Variants in PRDM16 observed in about 807,000 individuals in gnomAD.
The protein encoded by PRDM16 is PR/SET domain 16.
A neutral mutation model predicts 110.6 loss-of-function variants in PRDM16; 23 were observed. The observed-to-expected ratio is 0.21, with a 90% CI of 0.15 to 0.29. The LOEUF (loss-of-function observed/expected upper bound fraction) is 0.29. Ranked by LOEUF, PRDM16 falls within the 10% of genes least tolerant of loss-of-function variation. PRDM16 has a pLI of 1.00. For missense variants in PRDM16, 1,615 were observed against 1,794.3 expected, an observed-to-expected ratio of 0.90 and a Z score of 1.81; for synonymous variants, 799 against 781.8, an observed-to-expected ratio of 1.02 and a Z score of -0.37.
At chr1:3,372,166 G>A (rs1246865785) in intron 3 of PRDM16, among the ~76,000 whole-genome samples, 3 of 152,244 alleles carry the variant, frequency 2.0e-5, no homozygotes, top group African/African-American at 4.8e-5. Flanking sequence ...CCAACCAACG[G>A]GGAAGAGCTG....
intron 8 of PRDM16, among the ~76,000 whole-genome samples, chr1:3,409,731 AGT>A (rs1643638329): frequency 9.6e-6 from 1 of 104,182 alleles, no homozygotes; most frequent in African/African-American, 3.8e-5. Flanking sequence ...TGGTGTGTGT[AGT>A]GTGGGTGTGT....
intron 9 of PRDM16, among the ~76,000 whole-genome samples, chr1:3,413,428 T>G (rs2100666682): frequency 6.6e-6 from 1 of 152,114 alleles, no homozygotes. Context: ...CTCTGATGCC[T>G]CTCTTGGGGA....
chr1:3,315,938 C>T (rs751681418), intron 3 of PRDM16, among the ~76,000 whole-genome samples: 1 of 151,908 alleles, frequency 6.6e-6, no homozygotes, highest in Non-Finnish European at 1.5e-5. Context: ...CGGAAGGTAT[C>T]TCAGGATTTG....
chr1:3,317,393 T>C (rs1434547315), intron 3 of PRDM16, among the ~76,000 whole-genome samples: 2 of 152,208 alleles, frequency 1.3e-5, no homozygotes, highest in East Asian at 3.8e-4. Context: ...GAGTATGCCT[T>C]CTGTCCAGCA....
intron 1 of PRDM16, among the ~76,000 whole-genome samples, chr1:3,124,516 G>A (rs968894085): frequency 6.6e-6 from 1 of 152,178 alleles, no homozygotes; most frequent in Non-Finnish European, 1.5e-5. Flanking sequence ...GGAAGGCAGC[G>A]ATGCTTACCA....
Position 3,414,604 on chromosome 1 carries a change from A to G in PRDM16, c.2648A>G (p.Lys883Arg). The G allele has an allele frequency of 6.2e-7, 1 of 1,613,494 alleles. No individual in the cohort carries two copies. Among genetic ancestry groups the G allele is most frequent in the Non-Finnish European group, 8.5e-7 (1 of 1,179,880 alleles). ...GTCACAGACCCCGTGGGAGCCCTGA[A>G]GGAGAAGTACCTGCGGCCGTCCCCG... ...RKVTDPVGAL[K>R]EKYLRPSPLL... is the part of the protein sequence containing the mutation. Residue 883 changes from lysine to arginine, a missense_variant, in exon 10 of 17, where the codon AAG becomes AGG. Around this residue, in one of 5 missense-constraint regions of PRDM16, gnomAD observed 772 missense variants for 748.3 expected, o/e 1.03. Coordinates refer to ENST00000270722, the MANE Select transcript of PRDM16 (RefSeq NM_022114.4).
chr1:3,374,832 C>G (rs2100585015), intron 3 of PRDM16, among the ~76,000 whole-genome samples: 1 of 152,314 alleles, frequency 6.6e-6, no homozygotes, highest in South Asian at 2.1e-4. Flanking sequence ...TCCGGAAGAC[C>G]CAGGTACGGC....
At chr1:3,338,927 G>A (rs1473857280) in intron 3 of PRDM16, among the ~76,000 whole-genome samples, 1 of 152,160 alleles carries the variant, frequency 6.6e-6, no homozygotes, top group Non-Finnish European at 1.5e-5. Flanking sequence ...GCCCTTTTCT[G>A]TGCGGCTGTG....
At chr1:3,325,914 TTGG>T (rs1641880914) in intron 3 of PRDM16, among the ~76,000 whole-genome samples, 2 of 103,472 alleles carry the variant, frequency 1.9e-5, no homozygotes, top group Non-Finnish European at 4.0e-5. Flanking sequence ...TTGGCCCTCC[TTGG>T]CCCTCCTCGG....
chr1:3,127,398 G>A (rs1019106907), intron 1 of PRDM16, among the ~76,000 whole-genome samples: 16 of 152,214 alleles, frequency 1.1e-4, no homozygotes, highest in African/African-American at 3.4e-4. Flanking sequence ...TCGTGAGATA[G>A]ATCCCCCACC....
In PRDM16 at chr1:3,411,402, C is replaced by G; in HGVS notation, c.1205C>G (p.Ser402Cys). Residue 402 changes from serine to cysteine, a missense_variant, in exon 9 of 17, where the codon TCC (serine) becomes TGC (cysteine). Physicochemically the swap from Ser to Cys is moderately radical, Grantham distance 112 (BLOSUM62 -1). Transcript: ENST00000270722. Reference sequence around the variant, plus strand: ...GTTTTAGGTGAGGTCTGCCACAAGTCCTACACGCAGTTCTCCAACCTGTGC... The same window carrying G: ...GTTTTAGGTGAGGTCTGCCACAAGTGCTACACGCAGTTCTCCAACCTGTGC... The part of the protein sequence containing the change: ...KPFICEVCHK[S>C]YTQFSNLCRH... 2 of 1,612,086 alleles carry G rather than the reference C, an allele frequency of 1.2e-6. No individual in the cohort carries two copies. The highest frequency in any genetic ancestry group is 1.7e-6 in the Non-Finnish European group (2 of 1,178,276).
intron 10 of PRDM16, among the ~76,000 whole-genome samples, 184 bp downstream of exon 10, chr1:3,414,831 A>T (rs1643753632): frequency 6.6e-6 from 1 of 152,036 alleles, no homozygotes; most frequent in African/African-American, 2.4e-5. Flanking sequence ...TGTAGGCTGG[A>T]GAGGTTGAGG....
chr1:3,226,852 T>C (rs1639300572), intron 2 of PRDM16, among the ~76,000 whole-genome samples: 1 of 152,170 alleles, frequency 6.6e-6, no homozygotes, highest in African/African-American at 2.4e-5. Context: ...TTCTCCTAAT[T>C]GTACAGTGCT....
At chr1:3,396,007 G>A (rs1052260569) in intron 4 of PRDM16, among the ~76,000 whole-genome samples, 4 of 152,154 alleles carry the variant, frequency 2.6e-5, no homozygotes, top group Admixed American at 6.5e-5. Flanking sequence ...TGGGAGAACC[G>A]CAGCCCCATG....
intron 3 of PRDM16, among the ~76,000 whole-genome samples, chr1:3,273,518 CAT>C (rs1186406568): frequency 6.6e-6 from 1 of 151,672 alleles, no homozygotes; most frequent in African/African-American, 2.4e-5. Context: ...GGTACATGTC[CAT>C]GTGTGTACGT....
intron 1 of PRDM16, among the ~76,000 whole-genome samples, chr1:3,158,857 C>G (rs1252572922): frequency 6.6e-6 from 1 of 151,372 alleles, no homozygotes; most frequent in African/African-American, 2.4e-5. Flanking sequence ...CACTGCAACC[C>G]CCGCCTCCTG....
chr1:3,293,431 T>C (rs565616758), intron 3 of PRDM16, among the ~76,000 whole-genome samples: 14 of 152,252 alleles, frequency 9.2e-5, no homozygotes, highest in Non-Finnish European at 1.8e-4. Flanking sequence ...GCTATCTGGG[T>C]GATGATTCAT....
At chr1:3,391,942 G>A (rs1210018460) in intron 4 of PRDM16, among the ~76,000 whole-genome samples, 1 of 152,246 alleles carries the variant, frequency 6.6e-6, no homozygotes, top group African/African-American at 2.4e-5. Flanking sequence ...ACTACGACAT[G>A]CTCAGCTCCT....
intron 3 of PRDM16, among the ~76,000 whole-genome samples, chr1:3,272,620 G>A (rs1386393997): frequency 1.3e-5 from 2 of 152,230 alleles, no homozygotes; most frequent in Non-Finnish European, 2.9e-5. Context: ...CCGTGTGCAG[G>A]TCCCCGGGTA....
Sources: gnomAD v4.1 joint callset for allele counts (sites outside exome capture counted in the v4.1 genomes callset) on GRCh38, gnomAD v4.1.1 for gene constraint, gnomAD v4.1.1 regional missense constraint, MANE v1.5 for transcripts, NCBI Gene and HGNC (gene_info 2026-07-23, HGNC 2026-07-21) for gene names.